Variants in GRIN2A observed in about 807,000 individuals in gnomAD.
GRIN2A encodes glutamate receptor ionotropic, NMDA 2A.
In GRIN2A, 22 loss-of-function variants were observed where a neutral mutation model predicts 113.4. The observed-to-expected ratio is 0.19, with a 90% CI of 0.14 to 0.28. The LOEUF is 0.28. GRIN2A is among the 10% of genes least tolerant of loss of function. The probability of loss-of-function intolerance (pLI) is 1.00; values close to 1 mark genes in which losing one functional copy is unlikely to be tolerated. For missense variants in GRIN2A, 1,502 were observed against 1,887.0 expected (o/e 0.80, Z 3.78); for synonymous variants, 827 against 738.4 (o/e 1.12, Z -1.94).
chr16:10,078,853 ACTGACTGG>A (rs925314744), intron 2 of GRIN2A, among the ~76,000 whole-genome samples: 4 of 151,374 alleles, frequency 2.6e-5, no homozygotes, highest in African/African-American at 9.8e-5. Context: ...GAGCATGCTG[ACTGACTGG>A]CTGACTGACT....
chr16:10,139,866 C>T (rs2049287650), intron 2 of GRIN2A, among the ~76,000 whole-genome samples: 1 of 151,936 alleles, frequency 6.6e-6, no homozygotes, highest in Admixed American at 6.6e-5. Context: ...CTCACTCTAT[C>T]CCCCAGGCTG....
intron 12 of GRIN2A, among the ~76,000 whole-genome samples, chr16:9,767,585 C>CAA (rs570310074): frequency 6.3e-5 from 9 of 143,182 alleles, no homozygotes; most frequent in Non-Finnish European, 1.5e-5. Context: ...CAAACAAAAA[C>CAA]AAAAAAAAAC....
At chr16:9,811,291 C>A (rs754830249) in intron 10 of GRIN2A, among the ~76,000 whole-genome samples, 1 of 152,286 alleles carries the variant, frequency 6.6e-6, no homozygotes, top group Middle Eastern at 3.4e-3. Flanking sequence ...GTTGGGTCTT[C>A]AACTGAATGC....
chr16:9,858,728 A>G (rs891019556), intron 4 of GRIN2A, among the ~76,000 whole-genome samples: 7 of 152,234 alleles, frequency 4.6e-5, no homozygotes, highest in African/African-American at 1.7e-4. Context: ...ATTACTTATC[A>G]AAATGTTCAG....
chr16:10,039,802 G>GA (rs1555469289), intron 2 of GRIN2A, among the ~76,000 whole-genome samples: 78 of 56,136 alleles, frequency 1.4e-3, no homozygotes, highest in South Asian at 1.9e-3. Flanking sequence ...GGGAGGGGGA[G>GA]GGGGGGGAGA....
At chr16:9,975,759 C>T (rs1453301509) in intron 2 of GRIN2A, among the ~76,000 whole-genome samples, 1 of 152,172 alleles carries the variant, frequency 6.6e-6, no homozygotes, top group African/African-American at 2.4e-5. Flanking sequence ...ACCAACTATT[C>T]TCTACCTACA....
rs562095443 is a variant in GRIN2A, at chr16:10,100,191, A to C, written c.414+79807T>G. On this transcript the variant is annotated intron_variant, in intron 2 of 12. Transcript: ENST00000330684. ...CCGAGGTCAGCCATGAAGTGCTTGG[A>C]AGGCCACAGAGACAAATTTTATTCC... 2.6e-5 allele frequency among the ~76,000 whole-genome samples: 4 copies of C among 152,292 alleles called. No individual in the cohort carries two copies. The East Asian group carries it at 7.7e-4, about 29-fold the overall frequency.
chr16:9,997,362 T>C (rs1048715608), intron 2 of GRIN2A, among the ~76,000 whole-genome samples: 1 of 152,204 alleles, frequency 6.6e-6, no homozygotes, highest in African/African-American at 2.4e-5. Context: ...CCAGATTCTA[T>C]CCCGGGGGAT....
chr16:9,941,919 G>A (rs138681756), intron 2 of GRIN2A, among the ~76,000 whole-genome samples: 10 of 152,170 alleles, frequency 6.6e-5, no homozygotes, highest in African/African-American at 1.9e-4. Flanking sequence ...TTCCAGGTTC[G>A]TACAGGTAGA....
At chr16:9,968,262 TTGTATGTATGTA>T (rs71157795) in intron 2 of GRIN2A, among the ~76,000 whole-genome samples, 2,742 of 150,246 alleles carry the variant, frequency 0.018, 84 homozygotes, top group African/African-American at 0.062. Context: ...CTCTATTGAC[TTGTATGTATGTA>T]TGTATGTATG....
chr16:9,759,002 A>G lies in GRIN2A; in HGVS notation c.*4147T>C, dbSNP rs1283399196. The G allele has an allele frequency of 2.2e-5, 5 of 222,310 alleles. No individual in the cohort carries two copies. The highest frequency in any genetic ancestry group is 1.8e-4 in the South Asian group (1 of 5,428). 13.8% of individuals were successfully genotyped at this position (222,310 alleles called of 1,614,324 possible). A position where few individuals can be genotyped will look rare whatever the true frequency, so the allele number is the denominator to read the frequency against. ...TTCTTTGAGTCCAATCATGTCTACT[A>G]TAGCCATGGTTAATACAAACAGGCT... is the stretch of plus-strand genomic sequence containing the variant. On this transcript the variant is annotated 3_prime_UTR_variant, in exon 13 of 13. Coordinates refer to ENST00000330684, the MANE Select transcript of GRIN2A (RefSeq NM_001134407.3).
intron 2 of GRIN2A, among the ~76,000 whole-genome samples, chr16:10,109,781 A>G (rs1025137356): frequency 2.6e-5 from 4 of 152,154 alleles, no homozygotes; most frequent in Non-Finnish European, 5.9e-5. Flanking sequence ...GCTCAAGGGG[A>G]TGGAGACCTC....
intron 4 of GRIN2A, among the ~76,000 whole-genome samples, chr16:9,878,085 G>A (rs115806953): frequency 2.0e-5 from 3 of 151,942 alleles, no homozygotes; most frequent in Non-Finnish European, 4.4e-5. Context: ...ATAATTGATG[G>A]CAATGGAAAA....
intron 2 of GRIN2A, among the ~76,000 whole-genome samples, chr16:10,144,652 A>C (rs1312596979): frequency 6.6e-6 from 1 of 152,178 alleles, no homozygotes; most frequent in African/African-American, 2.4e-5. Flanking sequence ...TGCTTCGCAG[A>C]AGTTTCATTG....
intron 3 of GRIN2A, among the ~76,000 whole-genome samples, chr16:9,903,550 C>T (rs896672518): frequency 1.3e-5 from 2 of 152,202 alleles, no homozygotes; most frequent in African/African-American, 4.8e-5. Flanking sequence ...GACAATAAGC[C>T]AGGCCACAAA....
intron 3 of GRIN2A, among the ~76,000 whole-genome samples, chr16:9,933,603 T>C (rs999201198): frequency 3.3e-5 from 5 of 152,222 alleles, no homozygotes; most frequent in African/African-American, 1.2e-4. Flanking sequence ...GCAAATGTAA[T>C]TTTTAAGCTT....
intron 2 of GRIN2A, among the ~76,000 whole-genome samples, chr16:10,153,017 G>A (rs1048866093): frequency 6.6e-6 from 1 of 152,130 alleles, no homozygotes; most frequent in African/African-American, 2.4e-5. Flanking sequence ...GTGGATACAA[G>A]TCATTATGCA....
At chr16:9,878,400 T>A (rs1430873592) in intron 4 of GRIN2A, among the ~76,000 whole-genome samples, 1 of 152,228 alleles carries the variant, frequency 6.6e-6, no homozygotes, top group African/African-American at 2.4e-5. Flanking sequence ...TCTAAGCACC[T>A]GATATATCAC....
chr16:10,035,695 T>C (rs1010309449), intron 2 of GRIN2A, among the ~76,000 whole-genome samples: 1 of 151,294 alleles, frequency 6.6e-6, no homozygotes. Flanking sequence ...GGGACCACAC[T>C]TTGAGAACCA....
Sources: allele counts gnomAD v4.1 joint callset (sites outside exome capture counted in the v4.1 genomes callset), GRCh38; gene constraint gnomAD v4.1.1; transcripts MANE v1.5; gene names NCBI Gene and HGNC (gene_info 2026-07-23, HGNC 2026-07-21).